Variants in TENM3 observed in about 807,000 individuals in gnomAD.
The protein encoded by TENM3 is teneurin-3.
TENM3 carries 63 observed loss-of-function variants against 255.1 expected under a neutral mutation model. The ratio of observed to expected loss-of-function variants is 0.25; its 90% CI spans 0.20 to 0.30. The LOEUF is 0.30. TENM3 is among the 10% of genes least tolerant of loss of function. The pLI, the probability that TENM3 is intolerant of heterozygous loss-of-function variation, is 1.00. For missense variants in TENM3, 2,929 were observed against 3,461.1 expected, an observed-to-expected ratio of 0.85 and a Z score of 3.86; for synonymous variants, 1,306 against 1,322.3, an observed-to-expected ratio of 0.99 and a Z score of 0.27.
intron 3 of TENM3, among the ~76,000 whole-genome samples, chr4:182,356,414 A>G (rs1765531749): frequency 6.6e-6 from 1 of 152,196 alleles, no homozygotes; most frequent in African/African-American, 2.4e-5. Flanking sequence ...GAGTGGAACC[A>G]AAACCTTAAA....
At chr4:181,504,707 C>T in the TENM3 span, among the ~76,000 whole-genome samples, 3 of 152,190 alleles carry the variant, frequency 2.0e-5, no homozygotes, top group Non-Finnish European at 4.4e-5. Context: ...GGGAAATACA[C>T]TTTAAATGGC....
intron 22 of TENM3, among the ~76,000 whole-genome samples, chr4:182,771,708 A>C (rs938460244): frequency 1.3e-5 from 2 of 152,178 alleles, no homozygotes; most frequent in Non-Finnish European, 2.9e-5. Context: ...TAAATAAACC[A>C]GTGCGTGTTT....
the TENM3 span, among the ~76,000 whole-genome samples, chr4:181,595,597 G>A: frequency 6.6e-6 from 1 of 151,942 alleles, no homozygotes; most frequent in Non-Finnish European, 1.5e-5. Flanking sequence ...ACCAAAAATG[G>A]TGTTTTAAGA....
At chr4:181,463,010 C>G in the TENM3 span, among the ~76,000 whole-genome samples, 57 of 152,312 alleles carry the variant, frequency 3.7e-4, no homozygotes, top group Non-Finnish European at 6.5e-4. Flanking sequence ...CTTGTCTACA[C>G]AGTAAGCACA....
At chr4:181,587,007 A>T in the TENM3 span, among the ~76,000 whole-genome samples, 1 of 152,156 alleles carries the variant, frequency 6.6e-6, no homozygotes, top group Admixed American at 6.5e-5. Flanking sequence ...TATTCTTCTT[A>T]TCTGCACTCA....
intron 3 of TENM3, among the ~76,000 whole-genome samples, chr4:182,561,962 G>A (rs558886693): frequency 8.6e-4 from 128 of 148,554 alleles, no homozygotes; most frequent in African/African-American, 3.1e-3. Flanking sequence ...ACAATACTGT[G>A]TATATCCAGA....
At position 182,431,719 on chromosome 4, in the gene TENM3, G is replaced by A. The variant is rs138093793; in HGVS notation, c.511+84790G>A. Among the ~76,000 whole-genome samples the A allele has an allele frequency of 3.9e-4, 59 of 152,194 alleles. No individual in the cohort carries two copies. The East Asian group carries it at 8.3e-3, about 21-fold the overall frequency. On this transcript the variant is annotated intron_variant, in intron 3 of 27. Transcript: ENST00000511685. ...GGTGGCATTTGACTTTGGATGTGTC[G>A]CATTAGAATTACTTATGAGTAGCCA...
intron 19 of TENM3, among the ~76,000 whole-genome samples, chr4:182,749,934 T>C (rs1762256813): frequency 6.6e-6 from 1 of 151,844 alleles, no homozygotes; most frequent in Non-Finnish European, 1.5e-5. Context: ...TCACCAATTA[T>C]ATATACCTGA....
the TENM3 span, among the ~76,000 whole-genome samples, chr4:181,556,967 C>G: frequency 1.3e-5 from 2 of 152,104 alleles, no homozygotes; most frequent in African/African-American, 4.8e-5. Flanking sequence ...TCCCCTACAG[C>G]CTTGATGTAA....
the TENM3 span, among the ~76,000 whole-genome samples, chr4:181,642,821 G>C: frequency 1.3e-5 from 2 of 152,138 alleles, no homozygotes; most frequent in African/African-American, 2.4e-5. Context: ...TTGTAGATGT[G>C]CGGTATTATT....
chr4:182,379,515 G>A (rs1445898643), intron 3 of TENM3, among the ~76,000 whole-genome samples: 1 of 152,184 alleles, frequency 6.6e-6, no homozygotes, highest in Non-Finnish European at 1.5e-5. Context: ...AAGACTGAAC[G>A]GGGCTTTTCA....
At chr4:182,316,479 G>T (rs1762755786) in intron 1 of TENM3, among the ~76,000 whole-genome samples, 1 of 152,048 alleles carries the variant, frequency 6.6e-6, no homozygotes. Context: ...TTGCCCCAGG[G>T]ACATTTGGTA....
intron 12 of TENM3, among the ~76,000 whole-genome samples, chr4:182,703,025 C>T (rs887051896): frequency 2.6e-5 from 4 of 152,290 alleles, no homozygotes; most frequent in East Asian, 3.9e-4. Flanking sequence ...CGTGAGCCAC[C>T]GCGCCTGGCC....
intron 1 of TENM3, among the ~76,000 whole-genome samples, chr4:182,212,110 G>T (rs1755084364): frequency 6.6e-6 from 1 of 152,150 alleles, no homozygotes; most frequent in Non-Finnish European, 1.5e-5. Context: ...TCTCGCCATG[G>T]TTTATGAAGA....
the TENM3 span, among the ~76,000 whole-genome samples, chr4:181,603,559 T>C: frequency 6.6e-6 from 1 of 152,128 alleles, no homozygotes; most frequent in Non-Finnish European, 1.5e-5. Context: ...GCAGTGAGCA[T>C]AGAAAATTAG....
At chr4:182,262,720 C>CT (rs535703415) in intron 1 of TENM3, among the ~76,000 whole-genome samples, 3,574 of 133,184 alleles carry the variant, frequency 0.027, 90 homozygotes, top group African/African-American at 0.05. Context: ...CCTTTACTTT[C>CT]TTTTTTTTTT....
At chr4:181,928,760 A>T in the TENM3 span, among the ~76,000 whole-genome samples, 1 of 152,186 alleles carries the variant, frequency 6.6e-6, no homozygotes, top group Non-Finnish European at 1.5e-5. Context: ...AAGGAAAAAA[A>T]TGTTAAGGGC....
intron 3 of TENM3, among the ~76,000 whole-genome samples, chr4:182,589,675 T>TA (rs1276269767): frequency 2.6e-5 from 4 of 152,024 alleles, no homozygotes; most frequent in Non-Finnish European, 4.4e-5. Flanking sequence ...AGTATATTCT[T>TA]TTAAAAACGG....
At chr4:181,500,332 T>TG in the TENM3 span, among the ~76,000 whole-genome samples, 6 of 134,404 alleles carry the variant, frequency 4.5e-5, no homozygotes, top group African/African-American at 1.6e-4. Flanking sequence ...CCCGGCCTTA[T>TG]GGAAAAAAAA....
Sources: gnomAD v4.1 joint callset for allele counts (sites outside exome capture counted in the v4.1 genomes callset) on GRCh38, gnomAD v4.1.1 for gene constraint, MANE v1.5 for transcripts, NCBI Gene and HGNC (gene_info 2026-07-23, HGNC 2026-07-21) for gene names.